RPS6KC1: variants seen among roughly 807,000 people sequenced by gnomAD.
RPS6KC1 encodes inactive ribosomal protein S6 kinase delta-1.
A neutral mutation model predicts 103.8 loss-of-function variants in RPS6KC1; 54 were observed. The observed-to-expected ratio is 0.52, with a 90% CI of 0.42 to 0.65. The LOEUF is 0.65. RPS6KC1 is among the 30% of genes least tolerant of loss of function. RPS6KC1 has a pLI of 0.00. For missense variants in RPS6KC1, 1,151 were observed against 1,253.8 expected, an observed-to-expected ratio of 0.92 and a Z score of 1.24; for synonymous variants, 439 against 438.7, an observed-to-expected ratio of 1.00 and a Z score of -0.01.
intron 6 of RPS6KC1, among the ~76,000 whole-genome samples, chr1:213,142,400 G>A (rs2087167827): frequency 6.6e-6 from 1 of 152,020 alleles, no homozygotes; most frequent in African/African-American, 2.4e-5. Flanking sequence ...TTACTGGGGA[G>A]CTAGTACGGT....
the RPS6KC1 span, among the ~76,000 whole-genome samples, chr1:213,762,582 G>T: frequency 6.6e-6 from 1 of 152,186 alleles, no homozygotes; most frequent in African/African-American, 2.4e-5. Flanking sequence ...TAAAAATGTT[G>T]TAAGAATAAG....
At chr1:213,519,148 T>C in the RPS6KC1 span, among the ~76,000 whole-genome samples, 2 of 152,220 alleles carry the variant, frequency 1.3e-5, no homozygotes, top group African/African-American at 4.8e-5. Context: ...TGGAACTTAA[T>C]AGAAATCCTT....
chr1:213,458,479 T>A, the RPS6KC1 span, among the ~76,000 whole-genome samples: 2 of 152,182 alleles, frequency 1.3e-5, no homozygotes, highest in African/African-American at 4.8e-5. Context: ...CATGTGTCTT[T>A]TTGGTAGAAC....
chr1:213,265,944 C>T (rs1237325922), intron 14 of RPS6KC1, among the ~76,000 whole-genome samples: 1 of 152,188 alleles, frequency 6.6e-6, no homozygotes, highest in African/African-American at 2.4e-5. Context: ...AAACAAGTTA[C>T]TTAATTTCCC....
chr1:213,795,957 G>A, the RPS6KC1 span, among the ~76,000 whole-genome samples: 1 of 152,174 alleles, frequency 6.6e-6, no homozygotes, highest in African/African-American at 2.4e-5. Context: ...GACAGCCCTG[G>A]AACAAGGCAG....
the RPS6KC1 span, among the ~76,000 whole-genome samples, chr1:213,373,075 G>A: frequency 6.6e-6 from 1 of 152,058 alleles, no homozygotes; most frequent in Non-Finnish European, 1.5e-5. Flanking sequence ...CATTAATAGC[G>A]AAAAAATTAT....
At chr1:213,474,712 G>C in the RPS6KC1 span, among the ~76,000 whole-genome samples, 1 of 152,036 alleles carries the variant, frequency 6.6e-6, no homozygotes, top group Non-Finnish European at 1.5e-5. Flanking sequence ...TTCTGAACAG[G>C]CTCTTAGGCT....
chr1:213,551,661 C>T, the RPS6KC1 span, among the ~76,000 whole-genome samples: 1 of 152,208 alleles, frequency 6.6e-6, no homozygotes, highest in Non-Finnish European at 1.5e-5. Flanking sequence ...ACATCCAGCA[C>T]CTAAGTGGTA....
chr1:213,613,036 C>A, the RPS6KC1 span, among the ~76,000 whole-genome samples: 1 of 152,186 alleles, frequency 6.6e-6, no homozygotes, highest in Non-Finnish European at 1.5e-5. Context: ...ATTGATTGCC[C>A]ATGTCATCAG....
the RPS6KC1 span, among the ~76,000 whole-genome samples, chr1:213,344,864 G>A: frequency 1.3e-5 from 2 of 152,210 alleles, no homozygotes; most frequent in African/African-American, 4.8e-5. Context: ...CAACTAGAAT[G>A]TATTCTCCAT....
intron 6 of RPS6KC1, among the ~76,000 whole-genome samples, chr1:213,151,291 G>A (rs1175305033): frequency 8.0e-6 from 1 of 124,436 alleles, no homozygotes; most frequent in African/African-American, 3.2e-5. Flanking sequence ...CAGTAGGGGC[G>A]GCCGGGCAGA....
the RPS6KC1 span, among the ~76,000 whole-genome samples, chr1:213,810,062 C>G: frequency 6.6e-6 from 1 of 152,206 alleles, no homozygotes; most frequent in African/African-American, 2.4e-5. Context: ...CACTTCCATC[C>G]TCTACCCTTA....
the RPS6KC1 span, among the ~76,000 whole-genome samples, chr1:213,834,727 C>T: frequency 6.6e-6 from 1 of 152,054 alleles, no homozygotes; most frequent in African/African-American, 2.4e-5. Flanking sequence ...CACACACACA[C>T]ACCCCAAAAT....
At chr1:213,387,680 G>A in the RPS6KC1 span, among the ~76,000 whole-genome samples, 1 of 152,216 alleles carries the variant, frequency 6.6e-6, no homozygotes, top group African/African-American at 2.4e-5. Context: ...TGTTTTTAGA[G>A]TGGGGCATAC....
chr1:213,195,892 C>T (rs539942352), intron 8 of RPS6KC1, among the ~76,000 whole-genome samples: 10 of 151,562 alleles, frequency 6.6e-5, no homozygotes, highest in Non-Finnish European at 1.2e-4. Context: ...GTAATGGGCA[C>T]GTAGGCTGGC....
intron 3 of RPS6KC1, among the ~76,000 whole-genome samples, chr1:213,086,099 C>T (rs1254060714): frequency 6.6e-6 from 1 of 152,144 alleles, no homozygotes; most frequent in Non-Finnish European, 1.5e-5. Context: ...ATTTTAGCTC[C>T]ACATCCATCC....
the RPS6KC1 span, among the ~76,000 whole-genome samples, chr1:213,615,190 A>G: frequency 6.6e-6 from 1 of 152,236 alleles, no homozygotes; most frequent in Non-Finnish European, 1.5e-5. Flanking sequence ...TTTGAGAAAC[A>G]CTGCCACAGA....
chr1:213,117,303 T>C lies in RPS6KC1; in HGVS notation c.379-14T>C. The C allele has an allele frequency of 6.7e-7, 1 of 1,491,250 alleles. No individual in the cohort carries two copies. 92.4% of individuals were successfully genotyped at this position (1,491,250 alleles called of 1,614,324 possible). A position where few individuals can be genotyped will look rare whatever the true frequency, so the allele number is the denominator to read the frequency against. On this transcript the variant is annotated splice_polypyrimidine_tract_variant and intron_variant, in intron 4 of 14. Transcript: ENST00000366960. ...CTTAATGCTAATGAAACACAATTGC[T>C]CTTATCTCTTTAGGGTGGAATAATT...
At chr1:213,212,774 A>G (rs2093548852) in intron 8 of RPS6KC1, among the ~76,000 whole-genome samples, 1 of 152,142 alleles carries the variant, frequency 6.6e-6, no homozygotes, top group Non-Finnish European at 1.5e-5. Flanking sequence ...GATTTTGGCA[A>G]TTCTAGTAGG....
Sources: gnomAD v4.1 joint callset for allele counts (sites outside exome capture counted in the v4.1 genomes callset) on GRCh38, gnomAD v4.1.1 for gene constraint, MANE v1.5 for transcripts, NCBI Gene and HGNC (gene_info 2026-07-23, HGNC 2026-07-21) for gene names.